The following INPP4B variants were observed in gnomAD, a reference collection of about 807,000 sequenced individuals.
The protein encoded by INPP4B is inositol polyphosphate-4-phosphatase type II B.
A neutral mutation model predicts 122.5 loss-of-function variants in INPP4B; 55 were observed. The observed-to-expected ratio is 0.45, with a 90% CI of 0.36 to 0.56. The LOEUF is 0.56. Among genes scored for constraint, INPP4B ranks in the 20% least tolerant of loss-of-function variants. The pLI is 0.00. For synonymous variants in INPP4B, 403 were observed against 388.7 expected, an observed-to-expected ratio of 1.04 and a Z score of -0.43; for missense variants, 1,000 against 1,097.7, an observed-to-expected ratio of 0.91 and a Z score of 1.26.
rs533214970 is a variant in INPP4B, at chr4:142,565,632, C to G, written c.-190-102906G>C. ...TTCAGGCAAGAATCATTAACGGATACTAAAATTAGTGGCAAAGGTGTGATA... is the reference window on the plus strand; with the variant it reads ...TTCAGGCAAGAATCATTAACGGATAGTAAAATTAGTGGCAAAGGTGTGATA... On this transcript the variant is annotated intron_variant, in intron 2 of 25. Coordinates refer to ENST00000262992, the MANE Select transcript of INPP4B (RefSeq NM_001101669.3). 2.0e-5 allele frequency among the ~76,000 whole-genome samples: 3 copies of G among 152,240 alleles called. No homozygotes were observed. In the East Asian group the frequency reaches 5.8e-4, roughly 29 times the overall value.
At chr4:142,329,315 T>C (rs939115833) in intron 7 of INPP4B, among the ~76,000 whole-genome samples, 1 of 152,212 alleles carries the variant, frequency 6.6e-6, no homozygotes, top group African/African-American at 2.4e-5. Context: ...AATAGTATTT[T>C]AGGCCAATGC....
chr4:142,770,026 C>T lies in INPP4B; in HGVS notation c.-253-44125G>A, dbSNP rs150841925. On this transcript the variant is annotated intron_variant, in intron 1 of 25. Coordinates refer to ENST00000262992, the MANE Select transcript of INPP4B (RefSeq NM_001101669.3). ...TTTTTCTTCAAGTGAGAGAGAGGCTCATAGAAAATGGGAAGTCATTGAAGA... is the reference window on the plus strand; with the variant it reads ...TTTTTCTTCAAGTGAGAGAGAGGCTTATAGAAAATGGGAAGTCATTGAAGA... Among the ~76,000 whole-genome samples, 379 of 152,268 alleles carry T rather than the reference C, an allele frequency of 2.5e-3. 5 individuals carry two copies. Among genetic ancestry groups the T allele is most frequent in the East Asian group, 0.019 (96 of 5,172 alleles).
chr4:142,072,677 T>C (rs28485721), intron 25 of INPP4B, among the ~76,000 whole-genome samples: 3,767 of 151,672 alleles, frequency 0.025, 174 homozygotes, highest in African/African-American at 0.087. Flanking sequence ...TCACCACACA[T>C]CAGTAATAGC....
chr4:142,227,701 A>G, intron 12 of INPP4B, among the ~76,000 whole-genome samples: 1 of 151,122 alleles, frequency 6.6e-6, no homozygotes, highest in East Asian at 2.0e-4. Context: ...TCTCTACTAA[A>G]ACAAAAATTA....
chr4:142,594,903 C>G (rs1738335936), intron 2 of INPP4B, among the ~76,000 whole-genome samples: 1 of 139,674 alleles, frequency 7.2e-6, no homozygotes, highest in Admixed American at 7.7e-5. Context: ...TGCTGTGAGC[C>G]AAGATCGCGT....
At chr4:142,425,602 G>A (rs889917142) in intron 5 of INPP4B, among the ~76,000 whole-genome samples, 1 of 151,728 alleles carries the variant, frequency 6.6e-6, no homozygotes, top group Non-Finnish European at 1.5e-5. Flanking sequence ...CAATTCTTAG[G>A]CTCAATATGA....
At chr4:142,225,399 C>G (rs1411387794) in intron 12 of INPP4B, among the ~76,000 whole-genome samples, 1 of 151,984 alleles carries the variant, frequency 6.6e-6, no homozygotes, top group Non-Finnish European at 1.5e-5. Context: ...AATTTGCAGA[C>G]AGCCTATTGT....
chr4:142,746,295 C>T (rs189771783), intron 1 of INPP4B, among the ~76,000 whole-genome samples: 1 of 151,898 alleles, frequency 6.6e-6, no homozygotes, highest in African/African-American at 2.4e-5. Context: ...GAATAACATA[C>T]CTAGGAATAT....
chr4:142,121,412 T>C (rs992474553), intron 21 of INPP4B, among the ~76,000 whole-genome samples: 2 of 152,166 alleles, frequency 1.3e-5, no homozygotes, highest in Non-Finnish European at 2.9e-5. Flanking sequence ...TATGTTCATA[T>C]GTTTTGAACA....
intron 1 of INPP4B, among the ~76,000 whole-genome samples, chr4:142,838,899 C>T (rs1430238451): frequency 6.6e-6 from 1 of 152,202 alleles, no homozygotes; most frequent in Non-Finnish European, 1.5e-5. Flanking sequence ...CAAACACACT[C>T]ACCACAGACT....
intron 1 of INPP4B, among the ~76,000 whole-genome samples, chr4:142,836,796 G>A (rs1396399168): frequency 6.6e-6 from 1 of 151,312 alleles, no homozygotes; most frequent in Non-Finnish European, 1.5e-5. Flanking sequence ...ACTTTTGTAT[G>A]TTAAAAAATA....
intron 7 of INPP4B, among the ~76,000 whole-genome samples, chr4:142,335,108 G>GGAAAAAA (rs1776131963): frequency 1.5e-5 from 1 of 65,164 alleles, no homozygotes; most frequent in Non-Finnish European, 2.7e-5. Context: ...TGGGAAAAAT[G>GGAAAAAA]AAAAAAAAAA....
chr4:142,387,304 G>C (rs1056799579), intron 7 of INPP4B, among the ~76,000 whole-genome samples: 21 of 151,976 alleles, frequency 1.4e-4, no homozygotes, highest in African/African-American at 5.1e-4. Flanking sequence ...GGGAACCTGA[G>C]AAAAAGCTAA....
chr4:142,314,766 T>G lies in INPP4B; in HGVS notation c.373-4A>C. The G allele has an allele frequency of 6.3e-7, 1 of 1,593,740 alleles. No individual in the cohort carries two copies. The highest frequency in any genetic ancestry group is 8.5e-7 in the Non-Finnish European group (1 of 1,172,608). The stretch of plus-strand genomic sequence containing the variant: ...CTGGTAGGACACTGGTTCGAACCTG[T>G]GGAGAAAAACATTTTCTGTAAGACT... On this transcript the variant is annotated splice_region_variant and splice_polypyrimidine_tract_variant and intron_variant, in intron 7 of 25. Transcript: ENST00000262992.
At chr4:142,545,129 A>C (rs1404558828) in intron 2 of INPP4B, among the ~76,000 whole-genome samples, 1 of 152,178 alleles carries the variant, frequency 6.6e-6, no homozygotes, top group Non-Finnish European at 1.5e-5. Flanking sequence ...TAATGTTCCA[A>C]GAGTAATTGG....
At chr4:142,337,869 G>A (rs1210401310) in intron 7 of INPP4B, among the ~76,000 whole-genome samples, 1 of 150,144 alleles carries the variant, frequency 6.7e-6, no homozygotes, top group Non-Finnish European at 1.5e-5. Context: ...CTCTTTTTAT[G>A]GTGTCTTTTT....
At chr4:142,566,758 T>C (rs1319315064) in intron 2 of INPP4B, among the ~76,000 whole-genome samples, 1 of 152,192 alleles carries the variant, frequency 6.6e-6, no homozygotes, top group Non-Finnish European at 1.5e-5. Flanking sequence ...ATGTTCTGTG[T>C]GTATTGGGAC....
intron 1 of INPP4B, among the ~76,000 whole-genome samples, chr4:142,770,075 G>C (rs1361239294): frequency 6.6e-6 from 1 of 152,102 alleles, no homozygotes; most frequent in Non-Finnish European, 1.5e-5. Flanking sequence ...TTTGAGCTCA[G>C]CCTACAAATT....
At chr4:142,806,009 A>G (rs1343627083) in intron 1 of INPP4B, among the ~76,000 whole-genome samples, 1 of 152,188 alleles carries the variant, frequency 6.6e-6, no homozygotes, top group Non-Finnish European at 1.5e-5. Flanking sequence ...GGCCGGGTGC[A>G]GTAGCTCACG....
Sources: gnomAD v4.1 joint callset for allele counts (sites outside exome capture counted in the v4.1 genomes callset) on GRCh38, gnomAD v4.1.1 for gene constraint, MANE v1.5 for transcripts, NCBI Gene and HGNC (gene_info 2026-07-23, HGNC 2026-07-21) for gene names.